The following DPY19L3 variants were observed in gnomAD, a reference collection of about 807,000 sequenced individuals.
The protein encoded by DPY19L3 is dpy-19 like C-mannosyltransferase 3, also known as protein C-mannosyl-transferase DPY19L3.
In DPY19L3, 51 loss-of-function variants were observed where a neutral mutation model predicts 92.3. That is an observed-to-expected ratio of 0.55 (90% confidence interval 0.44 to 0.70). The LOEUF is 0.70. Ranked by LOEUF, DPY19L3 falls within the 30% of genes least tolerant of loss-of-function variation. The pLI is 0.00. For synonymous variants in DPY19L3, 309 were observed against 315.2 expected, an observed-to-expected ratio of 0.98 and a Z score of 0.21; for missense variants, 706 against 855.9, an observed-to-expected ratio of 0.82 and a Z score of 2.18.
chr19:32,468,604 A>G, intron 15 of DPY19L3, 127 bp from the exon 16 acceptor site: 2 of 1,387,728 alleles, frequency 1.4e-6, no homozygotes, highest in Non-Finnish European at 1.9e-6. Context: ...ATAGTTGTAT[A>G]TTCCAGTAGC....
At position 32,482,379 on chromosome 19, in the gene DPY19L3, A is replaced by C; in HGVS notation, c.*139A>C. Reference sequence around the variant, plus strand: ...GAGTAAGTTCTACAGATGTTTACACAAGTGTTGCCATCTTTGAAAGCATCT... The same window carrying C: ...GAGTAAGTTCTACAGATGTTTACACCAGTGTTGCCATCTTTGAAAGCATCT... On this transcript the variant is annotated 3_prime_UTR_variant, in exon 19 of 19. Coordinates refer to ENST00000392250, the MANE Select transcript of DPY19L3 (RefSeq NM_001172774.2). The C allele has an allele frequency of 1.1e-6, 1 of 948,900 alleles. No homozygotes were observed. The highest frequency in any genetic ancestry group is 1.6e-5 in the African/African-American group (1 of 60,670). 58.8% of individuals were successfully genotyped at this position (948,900 alleles called of 1,614,324 possible).
intron 3 of DPY19L3, among the ~76,000 whole-genome samples, chr19:32,432,376 A>C (rs186408903): frequency 6.6e-6 from 1 of 152,192 alleles, no homozygotes; most frequent in Non-Finnish European, 1.5e-5. Context: ...GGTAGCTTTT[A>C]GGTAGGTGTC....
At chr19:32,420,610 C>T (rs1968537198) in intron 3 of DPY19L3, among the ~76,000 whole-genome samples, 1 of 151,880 alleles carries the variant, frequency 6.6e-6, no homozygotes, top group Non-Finnish European at 1.5e-5. Flanking sequence ...CCACCGTGCC[C>T]AGCTAACTTT....
Position 32,436,559 on chromosome 19 carries a change from C to A in DPY19L3, c.442C>A (p.Pro148Thr). 1 of 1,528,736 alleles carries A rather than the reference C, an allele frequency of 6.5e-7. No homozygotes were observed. The highest frequency in any genetic ancestry group is 8.8e-7 in the Non-Finnish European group (1 of 1,132,920). The allele number at this position is 1,528,736 out of a possible 1,614,324, so 94.7% of individuals were successfully genotyped here. ...VFLSILYRVL[P>T]IQKYLEPVYF... ...TCTCAGTATTTTATATAGAGTTCTA[C>A]CCATACAGGTATGTTTTGTGATATT... The change falls in exon 5 of 19, where the codon CCC (proline) becomes ACC (threonine). Residue 148 changes from proline to threonine, a missense_variant. Coordinates refer to ENST00000392250, the MANE Select transcript of DPY19L3 (RefSeq NM_001172774.2).
At position 32,405,813 on chromosome 19, in the gene DPY19L3, CGGCGCGCTGCGGCCCGT is replaced by C. The variant is rs1270254947; in HGVS notation, c.-127_-111del. ...GGCGGTTCTGCCCTCCTTGTACCCG[CGGCGCGCTGCGGCCCGT>C]GGCGCGGCCCCGTTCCCGCCTAGCC... On this transcript the variant is annotated 5_prime_UTR_variant, in exon 1 of 19. Transcript: ENST00000392250. 14 of 152,320 alleles carry C rather than the reference CGGCGCGCTGCGGCCCGT, an allele frequency of 9.2e-5. No individual in the cohort carries two copies. Among genetic ancestry groups the C allele is most frequent in the African/African-American group, 1.9e-4 (8 of 41,562 alleles). 9.4% of individuals were successfully genotyped at this position (152,320 alleles called of 1,614,324 possible). A position where few individuals can be genotyped will look rare whatever the true frequency, so the allele number is the denominator to read the frequency against.
chr19:32,481,268 A>G (rs1970665174), intron 18 of DPY19L3: 1 of 152,748 alleles, frequency 6.5e-6, no homozygotes, highest in Non-Finnish European at 1.5e-5. Context: ...TTTGAAAAAA[A>G]AAAATCTTGA....
At chr19:32,414,053 G>A (rs969988157) in intron 3 of DPY19L3, among the ~76,000 whole-genome samples, 29 of 152,080 alleles carry the variant, frequency 1.9e-4, no homozygotes, top group African/African-American at 6.3e-4. Context: ...CTGGCAGGGC[G>A]TGGTGGATCA....
At chr19:32,481,843 T>G (rs1227192348) in intron 18 of DPY19L3, 2 of 482,628 alleles carry the variant, frequency 4.1e-6, no homozygotes, top group Non-Finnish European at 7.3e-6. Flanking sequence ...TAGTTCTGGC[T>G]TTCCCGTTAA....
At chr19:32,474,283 T>A (rs1970440042) in intron 16 of DPY19L3, among the ~76,000 whole-genome samples, 1 of 152,236 alleles carries the variant, frequency 6.6e-6, no homozygotes, top group African/African-American at 2.4e-5. Context: ...GGCCAGACAT[T>A]AAGACAGTCA....
rs538341508 is a variant in DPY19L3, at chr19:32,472,051, C to T, written c.1697+3238C>T. Among the ~76,000 whole-genome samples the T allele has an allele frequency of 5.9e-5, 9 of 152,292 alleles. No homozygotes were observed. The East Asian group carries it at 7.7e-4, about 13-fold the overall frequency. On this transcript the variant is annotated intron_variant, in intron 16 of 18. Transcript: ENST00000392250. The stretch of plus-strand genomic sequence containing the variant: ...TTTCACTGGAGTAACCGCTGGGCCT[C>T]GCCTCAGCACAATTGCCCTCATTCT...
chr19:32,435,115 C>A lies in DPY19L3; in HGVS notation c.329-1331C>A, dbSNP rs187354363. Among the ~76,000 whole-genome samples the A allele has an allele frequency of 6.7e-4, 102 of 152,254 alleles. 4 individuals are homozygous for A. The highest frequency in any genetic ancestry group is 5.3e-4 in the Non-Finnish European group (36 of 68,012). On this transcript the variant is annotated intron_variant, in intron 4 of 18. Coordinates refer to ENST00000392250, the MANE Select transcript of DPY19L3 (RefSeq NM_001172774.2). Reference sequence around the variant, plus strand: ...CCTCTCTTCCTGGCTTTGTAGATGCCCTTTTGTTGCTGTGTCCTCACATAG... The same window carrying A: ...CCTCTCTTCCTGGCTTTGTAGATGCACTTTTGTTGCTGTGTCCTCACATAG...
At chr19:32,417,412 T>C (rs1968415926) in intron 3 of DPY19L3, among the ~76,000 whole-genome samples, 1 of 152,208 alleles carries the variant, frequency 6.6e-6, no homozygotes, top group Admixed American at 6.5e-5. Flanking sequence ...CTCCGCCTCC[T>C]GAGTTCAAGC....
chr19:32,425,309 T>C (rs1233399971), intron 3 of DPY19L3, among the ~76,000 whole-genome samples: 2 of 152,104 alleles, frequency 1.3e-5, no homozygotes, highest in Admixed American at 6.5e-5. Flanking sequence ...CTCAGCAGTT[T>C]GGAGGCCAAG....
At position 32,411,577 on chromosome 19, in the gene DPY19L3, T is replaced by G. The variant is rs111718341; in HGVS notation, c.237+205T>G. On this transcript the variant is annotated intron_variant, in intron 3 of 18. Transcript: ENST00000392250. The stretch of plus-strand genomic sequence containing the variant: ...TTTTTAAATTTTTCTTTATTATTTA[T>G]TTATTTTTGAGATGGAGTCTCACTC... The G allele has an allele frequency of 1.2e-4, 58 of 475,134 alleles. 1 individual carries two copies. Among genetic ancestry groups the G allele is most frequent in the African/African-American group, 8.3e-4 (41 of 49,652 alleles). The allele number at this position is 475,134 out of a possible 1,614,324, so 29.4% of individuals were successfully genotyped here. A position where few individuals can be genotyped will look rare whatever the true frequency, so the allele number is the denominator to read the frequency against.
chr19:32,459,830 A>G (rs1350157174), intron 12 of DPY19L3, among the ~76,000 whole-genome samples: 4 of 152,350 alleles, frequency 2.6e-5, no homozygotes, highest in African/African-American at 9.6e-5. Context: ...GAAAAGCACT[A>G]CATGAAAGTA....
chr19:32,442,418 A>G (rs950899736), intron 8 of DPY19L3, among the ~76,000 whole-genome samples: 5 of 152,242 alleles, frequency 3.3e-5, no homozygotes, highest in Admixed American at 1.3e-4. Context: ...GATCATGTTA[A>G]GTACCCTACA....
intron 12 of DPY19L3, among the ~76,000 whole-genome samples, chr19:32,462,009 CTA>C (rs1970055281): frequency 3.9e-5 from 6 of 152,054 alleles, no homozygotes; most frequent in Non-Finnish European, 2.9e-5. Context: ...CCTTTCTATA[CTA>C]TGTTTTTTTC....
chr19:32,455,101 A>G, intron 10 of DPY19L3, 61 bp downstream of exon 10: 6 of 1,128,220 alleles, frequency 5.3e-6, no homozygotes, highest in Non-Finnish European at 7.5e-6. Flanking sequence ...ATTGGAGATA[A>G]TTTTTGAAAC....
intron 8 of DPY19L3, among the ~76,000 whole-genome samples, chr19:32,446,936 C>CT (rs1295012881): frequency 2.0e-5 from 3 of 152,124 alleles, no homozygotes; most frequent in Non-Finnish European, 4.4e-5. Flanking sequence ...TCACAGAATA[C>CT]TTACCAACAG....
Sources: gnomAD v4.1 joint callset for allele counts (sites outside exome capture counted in the v4.1 genomes callset) on GRCh38, gnomAD v4.1.1 for gene constraint, MANE v1.5 for transcripts, NCBI Gene and HGNC (gene_info 2026-07-23, HGNC 2026-07-21) for gene names.